LRP1B: variants seen among roughly 807,000 people sequenced by gnomAD.
LRP1B encodes the protein LDL receptor related protein 1B, also known as low-density lipoprotein receptor-related protein 1B.
LRP1B carries 217 observed loss-of-function variants against 556.6 expected under a neutral mutation model. That is an observed-to-expected ratio of 0.39 (90% CI 0.35 to 0.44). LRP1B has a LOEUF of 0.44. Among genes scored for constraint, LRP1B ranks in the 20% least tolerant of loss-of-function variants. The pLI, the probability that LRP1B is intolerant of heterozygous loss-of-function variation, is 1.00. For synonymous variants in LRP1B, 2,047 were observed against 1,865.8 expected, an observed-to-expected ratio of 1.10 and a Z score of -2.50; for missense variants, 5,053 against 5,620.8, an observed-to-expected ratio of 0.90 and a Z score of 3.23.
At chr2:140,419,107 A>T (rs1175938490) in intron 66 of LRP1B, among the ~76,000 whole-genome samples, 2 of 152,228 alleles carry the variant, frequency 1.3e-5, no homozygotes, top group Admixed American at 1.3e-4. Context: ...GGACAAAAAC[A>T]CAAAGAGTAT....
At chr2:141,771,072 AG>A (rs1279336035) in intron 2 of LRP1B, among the ~76,000 whole-genome samples, 2 of 152,180 alleles carry the variant, frequency 1.3e-5, no homozygotes, top group East Asian at 3.9e-4. Context: ...TCCCCTCAAA[AG>A]ACCATATATA....
At chr2:140,370,161 T>G (rs1362147459) in intron 71 of LRP1B, among the ~76,000 whole-genome samples, 1 of 151,960 alleles carries the variant, frequency 6.6e-6, no homozygotes, top group Non-Finnish European at 1.5e-5. Context: ...AAATAATATA[T>G]GACAAAAAGG....
In LRP1B at chr2:141,297,465, A is replaced by AT. The variant is rs974857472; in HGVS notation, c.344-42825dup. Among the ~76,000 whole-genome samples, 6 of 151,924 alleles carry AT rather than the reference A, an allele frequency of 3.9e-5. No homozygotes were observed. The East Asian group carries it at 5.8e-4, about 15-fold the overall frequency. On this transcript the variant is annotated intron_variant, in intron 3 of 90. Transcript: ENST00000389484. ...TGTCTTCAGGGAGGTACTTGGGACA[A>AT]TTTTTTTTAAGTAAAATCTTAAAGG...
At chr2:141,453,025 C>T (rs1421590165) in intron 3 of LRP1B, among the ~76,000 whole-genome samples, 1 of 152,076 alleles carries the variant, frequency 6.6e-6, no homozygotes, top group Non-Finnish European at 1.5e-5. Context: ...CACTTGAGGT[C>T]AGGAGTTCGA....
At chr2:140,577,050 C>T (rs531311695) in intron 43 of LRP1B, among the ~76,000 whole-genome samples, 9 of 139,446 alleles carry the variant, frequency 6.5e-5, no homozygotes, top group African/African-American at 2.4e-4. Context: ...ATGTTGCATA[C>T]AAATAAAAAC....
At chr2:140,241,874 A>G (rs1680962469) in intron 87 of LRP1B, among the ~76,000 whole-genome samples, 1 of 151,054 alleles carries the variant, frequency 6.6e-6, no homozygotes, top group Non-Finnish European at 1.5e-5. Flanking sequence ...ATGTTTTAAC[A>G]GTACATTGTT....
At chr2:141,148,282 T>C (rs958748711) in intron 7 of LRP1B, among the ~76,000 whole-genome samples, 2 of 152,208 alleles carry the variant, frequency 1.3e-5, no homozygotes, top group African/African-American at 4.8e-5. Context: ...CTGATCTTTA[T>C]GCCTGAGGTT....
At chr2:140,883,696 CA>C in intron 25 of LRP1B, 120 bp downstream of exon 25, 1 of 673,628 alleles carries the variant, frequency 1.5e-6, no homozygotes, top group South Asian at 2.1e-5. Flanking sequence ...GCCACACACA[CA>C]CATACATGGG....
intron 10 of LRP1B, among the ~76,000 whole-genome samples, chr2:141,054,063 A>G (rs1186911801): frequency 1.3e-5 from 2 of 152,040 alleles, no homozygotes. Context: ...CAAAGTACAA[A>G]AATGCATACA....
At chr2:140,651,110 T>C (rs1452582777) in intron 41 of LRP1B, among the ~76,000 whole-genome samples, 1 of 151,992 alleles carries the variant, frequency 6.6e-6, no homozygotes, top group Non-Finnish European at 1.5e-5. Context: ...CCTTTAACAG[T>C]TCTTTTTCTT....
intron 32 of LRP1B, among the ~76,000 whole-genome samples, chr2:140,787,180 T>A (rs908101787): frequency 2.0e-5 from 3 of 152,214 alleles, no homozygotes; most frequent in Non-Finnish European, 4.4e-5. Flanking sequence ...CCACATTTTA[T>A]CCTTGCTCGC....
chr2:140,559,806 T>A (rs1680865708), intron 43 of LRP1B, among the ~76,000 whole-genome samples: 1 of 150,306 alleles, frequency 6.7e-6, no homozygotes. Context: ...AAGTTCTTCC[T>A]TAGAGGAGAT....
rs547733202 is a variant in LRP1B, at chr2:140,633,766, G to A, written c.6800-32127C>T. Among the ~76,000 whole-genome samples, 29 of 152,246 alleles carry A rather than the reference G, an allele frequency of 1.9e-4. No individual in the cohort carries two copies. The East Asian group carries it at 5.2e-3, about 27-fold the overall frequency. On this transcript the variant is annotated intron_variant, in intron 41 of 90. Transcript: ENST00000389484. ...AAAAGATACACACTACCAAACTCAT[G>A]TAGGGAAATATGAATAACCTATTAA...
intron 7 of LRP1B, among the ~76,000 whole-genome samples, chr2:141,094,958 C>T (rs994941042): frequency 1.3e-5 from 2 of 152,126 alleles, no homozygotes; most frequent in African/African-American, 2.4e-5. Context: ...CCCAGTGCAA[C>T]AGTGTTGAGA....
chr2:141,149,459 C>A (rs187853977), intron 7 of LRP1B, among the ~76,000 whole-genome samples: 1 of 152,128 alleles, frequency 6.6e-6, no homozygotes, highest in African/African-American at 2.4e-5. Flanking sequence ...AATGGTTTAC[C>A]TTTATTTCAA....
At chr2:141,631,860 G>T (rs1188990095) in intron 2 of LRP1B, among the ~76,000 whole-genome samples, 2 of 152,014 alleles carry the variant, frequency 1.3e-5, no homozygotes, top group Non-Finnish European at 1.5e-5. Context: ...CATTTAGAAA[G>T]GCTATAATTA....
intron 43 of LRP1B, among the ~76,000 whole-genome samples, chr2:140,546,000 T>TTGTGTGTGTG (rs148045904): frequency 0.031 from 4,470 of 142,592 alleles, 178 homozygotes; most frequent in African/African-American, 0.094. Flanking sequence ...TATTATTAGG[T>TTGTGTGTGTG]TGTGTGTGTG....
intron 7 of LRP1B, 96 bp downstream of exon 7, chr2:141,188,325 T>C (rs1375233303): frequency 8.3e-7 from 1 of 1,206,278 alleles, no homozygotes; most frequent in Non-Finnish European, 1.2e-6. Context: ...AGTTTGAGTC[T>C]GTAGTCTTAT....
intron 1 of LRP1B, among the ~76,000 whole-genome samples, chr2:141,982,483 G>A (rs1373911642): frequency 1.3e-5 from 2 of 152,130 alleles, no homozygotes; most frequent in African/African-American, 4.8e-5. Context: ...AAGCCCTACA[G>A]TGCAAATACC....
Sources: allele counts gnomAD v4.1 joint callset (sites outside exome capture counted in the v4.1 genomes callset), GRCh38; gene constraint gnomAD v4.1.1; transcripts MANE v1.5; gene names NCBI Gene and HGNC (gene_info 2026-07-23, HGNC 2026-07-21).